The following DAB1 variants were observed in gnomAD, a reference collection of about 807,000 sequenced individuals.
DAB1 encodes the protein DAB adaptor protein 1.
Under a neutral mutation model 64.6 loss-of-function variants are expected in DAB1, and 15 were observed. The ratio of observed to expected loss-of-function variants is 0.23; its 90% confidence interval spans 0.16 to 0.36. The LOEUF (loss-of-function observed/expected upper bound fraction) is 0.36, where lower values mean the gene tolerates loss of function less well. Among genes scored for constraint, DAB1 ranks in the 10% least tolerant of loss-of-function variants. The pLI is 1.00. For synonymous variants in DAB1, 235 were observed against 251.9 expected (o/e 0.93, Z 0.64); for missense variants, 596 against 706.7 (o/e 0.84, Z 1.78).
intron 7 of DAB1, among the ~76,000 whole-genome samples, chr1:57,487,941 A>G (rs899112979): frequency 2.0e-5 from 3 of 152,292 alleles, no homozygotes; most frequent in East Asian, 1.9e-4. Flanking sequence ...TTCCTTTTCC[A>G]TTATACATAA....
downstream of DAB1, among the ~76,000 whole-genome samples, chr1:57,821,083 G>C (rs1042233780): frequency 3.9e-5 from 6 of 151,992 alleles, no homozygotes; most frequent in African/African-American, 1.4e-4. Context: ...CCCCAAAAAA[G>C]AAAAGCATTT....
intron 5 of DAB1, among the ~76,000 whole-genome samples, chr1:57,990,862 C>G (rs1024438813): frequency 3.3e-5 from 5 of 152,188 alleles, no homozygotes; most frequent in African/African-American, 1.2e-4. Context: ...ACTGGGCACA[C>G]ACACAGTGTT....
intron 11 of DAB1, among the ~76,000 whole-genome samples, chr1:57,020,369 T>C (rs1281171302): frequency 6.6e-6 from 1 of 152,214 alleles, no homozygotes; most frequent in Non-Finnish European, 1.5e-5. Flanking sequence ...ACAATGTGCA[T>C]TTACTCATGC....
intron 4 of DAB1, among the ~76,000 whole-genome samples, chr1:58,214,460 A>G (rs2100301341): frequency 6.6e-6 from 1 of 152,312 alleles, no homozygotes; most frequent in Admixed American, 6.5e-5. Context: ...GAGGCTGCAC[A>G]TACCAGGAGA....
At chr1:57,668,066 G>A (rs903145456) in intron 6 of DAB1, among the ~76,000 whole-genome samples, 1 of 151,918 alleles carries the variant, frequency 6.6e-6, no homozygotes, top group African/African-American at 2.4e-5. Context: ...TATGGCTAGT[G>A]TGGCTGAGGA....
At position 57,927,809 on chromosome 1, in the gene DAB1, C is replaced by CT. The variant is rs1644900958; in HGVS notation, n.388-43648dup. Among the ~76,000 whole-genome samples, 3 of 152,286 alleles carry CT rather than the reference C, an allele frequency of 2.0e-5. No homozygotes were observed. The South Asian group carries it at 6.2e-4, about 32-fold the overall frequency. Reference sequence around the variant, plus strand: ...AAGGCTACTAATTGTTTAAGGAACTCTTTTTTATCCCCAACATGATAAAAA... The same window carrying CT: ...AAGGCTACTAATTGTTTAAGGAACTCTTTTTTTATCCCCAACATGATAAAAA... On this transcript the variant is annotated intron_variant and non_coding_transcript_variant, in intron 5 of 20. Transcript: ENST00000485760.
chr1:57,922,768 C>A lies in DAB1; in HGVS notation n.388-38606G>T, dbSNP rs190247355. 7.1e-4 allele frequency among the ~76,000 whole-genome samples: 105 copies of A among 148,844 alleles called. 3 individuals are homozygous for A. In the East Asian group the frequency reaches 0.018, roughly 25 times the overall value. On this transcript the variant is annotated intron_variant and non_coding_transcript_variant, in intron 5 of 20. Transcript: ENST00000485760. ...AGCTGAGGCAGGAGAATGGCATGAA[C>A]CCGGGAGGCAGAGCTTGCAGTGAGC...
chr1:58,320,672 T>C (rs1268840589), intron 4 of DAB1, among the ~76,000 whole-genome samples: 1 of 152,206 alleles, frequency 6.6e-6, no homozygotes, highest in Non-Finnish European at 1.5e-5. Context: ...CTTACAATAC[T>C]AATTATTCAA....
chr1:57,700,710 C>A (rs909254822), intron 6 of DAB1, among the ~76,000 whole-genome samples: 1 of 152,062 alleles, frequency 6.6e-6, no homozygotes, highest in Non-Finnish European at 1.5e-5. Flanking sequence ...CTTTTCTATG[C>A]CTGAAAGATA....
chr1:58,195,224 T>C (rs956325295), intron 4 of DAB1, among the ~76,000 whole-genome samples: 26 of 152,158 alleles, frequency 1.7e-4, no homozygotes, highest in African/African-American at 3.1e-4. Flanking sequence ...CCAAGTAAGA[T>C]GGCTGCTGTA....
At chr1:57,958,821 TTCTC>T (rs1185408093) in intron 5 of DAB1, among the ~76,000 whole-genome samples, 2 of 152,212 alleles carry the variant, frequency 1.3e-5, no homozygotes, top group Non-Finnish European at 1.5e-5. Flanking sequence ...TTCTATGCTT[TTCTC>T]TCTGTGTCCA....
At chr1:57,730,128 G>A (rs183932109) in intron 6 of DAB1, among the ~76,000 whole-genome samples, 28 of 152,318 alleles carry the variant, frequency 1.8e-4, no homozygotes, top group Non-Finnish European at 2.8e-4. Context: ...CACCTACTGG[G>A]TGTAAGTCAG....
intron 7 of DAB1, among the ~76,000 whole-genome samples, chr1:57,624,935 T>C (rs1387900994): frequency 9.9e-5 from 15 of 152,202 alleles, no homozygotes; most frequent in East Asian, 1.9e-4. Context: ...TTTTTAAAGA[T>C]TTTTTTCCAT....
intron 4 of DAB1, among the ~76,000 whole-genome samples, chr1:58,168,108 G>A (rs56174104): frequency 0.069 from 10,518 of 152,158 alleles, 408 homozygotes; most frequent in Admixed American, 0.088. Context: ...GCTAAATACC[G>A]GGCACCTGTC....
intron 5 of DAB1, among the ~76,000 whole-genome samples, chr1:58,055,382 A>C (rs537705630): frequency 6.6e-6 from 1 of 152,164 alleles, no homozygotes; most frequent in Non-Finnish European, 1.5e-5. Context: ...CCTCATCTCC[A>C]TTTAGATCTG....
chr1:58,041,444 T>C lies in DAB1; in HGVS notation n.387+109067A>G, dbSNP rs533413833. Among the ~76,000 whole-genome samples, 41 of 152,308 alleles carry C rather than the reference T, an allele frequency of 2.7e-4. 1 individual carries two copies. The South Asian group carries it at 5.2e-3, about 19-fold the overall frequency. On this transcript the variant is annotated intron_variant and non_coding_transcript_variant, in intron 5 of 20. Transcript: ENST00000485760. ...AGCCAGGCTTATACAGCGTGTATTG[T>C]GTTTCAGGCACAACTCTGAGCATTA...
intron 3 of DAB1, among the ~76,000 whole-genome samples, chr1:58,376,595 C>T (rs567215346): frequency 6.8e-6 from 1 of 147,364 alleles, no homozygotes; most frequent in Non-Finnish European, 1.5e-5. Context: ...AGCTTTACTT[C>T]CAACTATGTG....
intron 5 of DAB1, among the ~76,000 whole-genome samples, chr1:57,993,295 G>C (rs992689061): frequency 2.0e-5 from 3 of 152,042 alleles, no homozygotes; most frequent in African/African-American, 7.3e-5. Context: ...AAGAAAAAAA[G>C]ATAAAATAAT....
intron 4 of DAB1, among the ~76,000 whole-genome samples, chr1:57,093,761 T>G (rs1029791807): frequency 1.3e-5 from 2 of 152,164 alleles, no homozygotes; most frequent in African/African-American, 2.4e-5. Flanking sequence ...GTGAGTTAAA[T>G]GACCTCTGTA....
Sources: gnomAD v4.1 joint callset for allele counts (sites outside exome capture counted in the v4.1 genomes callset) on GRCh38, gnomAD v4.1.1 for gene constraint, MANE v1.5 for transcripts, NCBI Gene and HGNC (gene_info 2026-07-23, HGNC 2026-07-21) for gene names.